The following MRAP2 variants were observed in gnomAD, a reference collection of about 807,000 sequenced individuals.
MRAP2 encodes the protein melanocortin 2 receptor accessory protein 2.
A neutral mutation model predicts 17.4 loss-of-function variants in MRAP2; 20 were observed. The observed-to-expected ratio is 1.15, with a 90% confidence interval of 0.81 to 1.67. The LOEUF (loss-of-function observed/expected upper bound fraction) is 1.67, where lower values mean the gene tolerates loss of function less well. MRAP2 is among the 40% of genes most tolerant of loss of function. The pLI, the probability that MRAP2 is intolerant of heterozygous loss-of-function variation, is 0.00. For synonymous variants in MRAP2, 96 were observed against 88.4 expected (o/e 1.09, Z -0.48); for missense variants, 238 against 240.0 (o/e 0.99, Z 0.05).
rs1398384512 is a variant in MRAP2, at chr6:84,037,086, CAT to C, written c.-8+3205_-8+3206del. On this transcript the variant is annotated intron_variant, in intron 1 of 3. Coordinates refer to ENST00000257776, the MANE Select transcript of MRAP2 (RefSeq NM_138409.4). ...GTGTATTTACAATCCTCCAGCTAGACATAAAAGTTCTCTAAGTCCCCACTAGA... is the reference window on the plus strand; with the variant it reads ...GTGTATTTACAATCCTCCAGCTAGACAAAAGTTCTCTAAGTCCCCACTAGA... 3.3e-5 allele frequency among the ~76,000 whole-genome samples: 5 copies of C among 151,766 alleles called. No individual in the cohort carries two copies. In the East Asian group the frequency reaches 9.7e-4, roughly 29 times the overall value.
the MRAP2 span, among the ~76,000 whole-genome samples, chr6:84,116,204 T>A: frequency 1.3e-5 from 2 of 152,104 alleles, no homozygotes; most frequent in African/African-American, 2.4e-5. Context: ...GTTGATATGG[T>A]TTGGGTGTGT....
chr6:84,052,882 C>CAAAGGGTAATGAAAG, intron 1 of MRAP2: 1 of 726,080 alleles, frequency 1.4e-6, no homozygotes, highest in Non-Finnish European at 1.7e-6. Context: ...CTTTCATTAC[C>CAAAGGGTAATGAAAG]CTTTGGTAAT....
chr6:84,102,627 G>T, the MRAP2 span, among the ~76,000 whole-genome samples: 33 of 152,158 alleles, frequency 2.2e-4, no homozygotes, highest in Non-Finnish European at 4.6e-4. Context: ...AAGACGATAA[G>T]CTTGTGTTGT....
rs1392488083 is a variant in MRAP2, at chr6:84,055,292, G to C, written c.-7-20G>C. ...GGATGAATTAACAGGTTCTGCGCTT[G>C]ACTTTCTCCATTTGTGCAGGTCGGA... is the stretch of plus-strand genomic sequence containing the variant. On this transcript the variant is annotated intron_variant, in intron 1 of 3. Coordinates refer to ENST00000257776, the MANE Select transcript of MRAP2 (RefSeq NM_138409.4). The C allele has an allele frequency of 1.3e-6, 2 of 1,599,010 alleles. No homozygotes were observed. Among genetic ancestry groups the C allele is most frequent in the Non-Finnish European group, 1.7e-6 (2 of 1,176,448 alleles).
chr6:84,112,230 T>G, the MRAP2 span, among the ~76,000 whole-genome samples: 1 of 152,292 alleles, frequency 6.6e-6, no homozygotes, highest in South Asian at 2.1e-4. Flanking sequence ...ATCCGTCTGG[T>G]CCTGGGCTTC....
At chr6:84,038,389 A>G (rs887049533) in intron 1 of MRAP2, among the ~76,000 whole-genome samples, 8 of 152,230 alleles carry the variant, frequency 5.3e-5, no homozygotes, top group Non-Finnish European at 1.2e-4. Context: ...GCAGCAGGAC[A>G]TTGCAGAAAT....
chr6:84,117,440 T>G, the MRAP2 span, among the ~76,000 whole-genome samples: 1 of 152,042 alleles, frequency 6.6e-6, no homozygotes, highest in Non-Finnish European at 1.5e-5. Flanking sequence ...ATAGTTTCAG[T>G]CAGAATAGTA....
chr6:84,040,609 C>T (rs560125491), intron 1 of MRAP2, among the ~76,000 whole-genome samples: 2 of 152,256 alleles, frequency 1.3e-5, no homozygotes, highest in East Asian at 3.9e-4. Context: ...TGACCAAATA[C>T]TGATAGTGAT....
chr6:84,039,289 A>G (rs1466936261), intron 1 of MRAP2, among the ~76,000 whole-genome samples: 3 of 152,236 alleles, frequency 2.0e-5, no homozygotes, highest in African/African-American at 7.2e-5. Flanking sequence ...ATAGCAAACA[A>G]TCAAGGGAAA....
At chr6:84,058,412 G>A (rs574721523) in intron 2 of MRAP2, among the ~76,000 whole-genome samples, 2 of 152,364 alleles carry the variant, frequency 1.3e-5, no homozygotes, top group South Asian at 4.1e-4. Context: ...TTTATGACCT[G>A]AGTAACTGGC....
intron 1 of MRAP2, among the ~76,000 whole-genome samples, chr6:84,049,156 G>A (rs2099489773): frequency 6.6e-6 from 1 of 152,138 alleles, no homozygotes; most frequent in Non-Finnish European, 1.5e-5. Context: ...TGGGTGCGGT[G>A]GCTCATGTCT....
chr6:84,040,459 GGTTGGAACA>G (rs757684611), intron 1 of MRAP2, among the ~76,000 whole-genome samples: 3 of 152,218 alleles, frequency 2.0e-5, no homozygotes, highest in Non-Finnish European at 4.4e-5. Context: ...AATGGGCAGA[GGTTGGAACA>G]GTTTGGAAGG....
intron 2 of MRAP2, among the ~76,000 whole-genome samples, chr6:84,057,680 G>T (rs2099492033): frequency 6.6e-6 from 1 of 152,140 alleles, no homozygotes; most frequent in Non-Finnish European, 1.5e-5. Context: ...TTTAAGCACT[G>T]GAGAGACAAC....
At chr6:84,145,850 C>T in the MRAP2 span, among the ~76,000 whole-genome samples, 7 of 152,122 alleles carry the variant, frequency 4.6e-5, no homozygotes, top group Non-Finnish European at 8.8e-5. Context: ...AGCCCAACAT[C>T]TAGAACTCTT....
the MRAP2 span, among the ~76,000 whole-genome samples, chr6:84,144,258 ATCT>A: frequency 1.3e-5 from 2 of 151,994 alleles, no homozygotes; most frequent in Admixed American, 1.3e-4. Context: ...ACAATGTTTA[ATCT>A]TCTTTGAGTT....
intron 1 of MRAP2, among the ~76,000 whole-genome samples, chr6:84,040,748 C>CTGTG (rs1188915153): frequency 3.3e-5 from 5 of 152,120 alleles, no homozygotes; most frequent in Admixed American, 3.3e-4. Context: ...CCCTAGAGAT[C>CTGTG]TGTGGATCAT....
At chr6:84,075,196 C>T (rs575451395) in intron 3 of MRAP2, among the ~76,000 whole-genome samples, 32 of 152,226 alleles carry the variant, frequency 2.1e-4, no homozygotes, top group East Asian at 5.8e-4. Context: ...ATTCTTCAGC[C>T]GGAAGCAGCA....
the MRAP2 span, among the ~76,000 whole-genome samples, chr6:84,096,708 C>G: frequency 6.6e-6 from 1 of 152,060 alleles, no homozygotes; most frequent in Admixed American, 6.5e-5. Flanking sequence ...TGCAGACTGG[C>G]CACATTCTGA....
At chr6:84,063,268 T>A in intron 3 of MRAP2, 1 of 985,352 alleles carries the variant, frequency 1.0e-6, no homozygotes, top group Non-Finnish European at 1.2e-6. Context: ...GATTTTTACA[T>A]TGAAATGTTT....
Sources: allele counts gnomAD v4.1 joint callset (sites outside exome capture counted in the v4.1 genomes callset), GRCh38; gene constraint gnomAD v4.1.1; transcripts MANE v1.5; gene names NCBI Gene and HGNC (gene_info 2026-07-23, HGNC 2026-07-21).